DTWD2: variants seen among roughly 807,000 people sequenced by gnomAD.
The protein encoded by DTWD2 is DTW motif tRNA-uridine aminocarboxypropyltransferase 2, also known as tRNA-uridine aminocarboxypropyltransferase 2.
A neutral mutation model predicts 31.8 loss-of-function variants in DTWD2; 39 were observed. That is an observed-to-expected ratio of 1.22 (90% confidence interval 0.95 to 1.60). The LOEUF is 1.60. Among genes scored for constraint, DTWD2 ranks in the 40% most tolerant of loss-of-function variants. DTWD2 has a pLI of 0.00. For missense variants in DTWD2, 515 were observed against 381.5 expected (o/e 1.35, Z -2.92); for synonymous variants, 180 against 142.8 (o/e 1.26, Z -1.86).
chr5:118,877,195 G>A (rs112132720), intron 4 of DTWD2, among the ~76,000 whole-genome samples: 6,321 of 152,278 alleles, frequency 0.042, 410 homozygotes, highest in African/African-American at 0.14. Context: ...TCAAGTGGCC[G>A]GGTACAGTGG....
Position 118,980,412 on chromosome 5 carries a change from T to C in DTWD2, c.218+7882A>G, listed in dbSNP as rs565481605. ...TTGTGCCTTGAGTAATAAAGTCCTTTGTCTTTGGCCCAGGAATTTCATGTC... is the reference window on the plus strand; with the variant it reads ...TTGTGCCTTGAGTAATAAAGTCCTTCGTCTTTGGCCCAGGAATTTCATGTC... On this transcript the variant is annotated intron_variant, in intron 1 of 5. Transcript: ENST00000510708. Among the ~76,000 whole-genome samples, 4 of 152,352 alleles carry C rather than the reference T, an allele frequency of 2.6e-5. No individual in the cohort carries two copies. The South Asian group carries it at 8.3e-4, about 32-fold the overall frequency.
chr5:118,936,616 T>C (rs2149582735), intron 3 of DTWD2, among the ~76,000 whole-genome samples: 1 of 151,810 alleles, frequency 6.6e-6, no homozygotes, highest in East Asian at 1.9e-4. Context: ...ACGAGGCCAG[T>C]CAACATAGCA....
intron 4 of DTWD2, among the ~76,000 whole-genome samples, chr5:118,869,880 G>A (rs1377352010): frequency 6.6e-6 from 1 of 152,158 alleles, no homozygotes; most frequent in African/African-American, 2.4e-5. Context: ...CCTTGTAAGA[G>A]GTGTTGGATC....
chr5:118,937,430 T>C (rs1195561969), intron 3 of DTWD2, among the ~76,000 whole-genome samples: 1 of 151,740 alleles, frequency 6.6e-6, no homozygotes, highest in South Asian at 2.1e-4. Flanking sequence ...ATCTGTTTAA[T>C]ACAGTTGTTG....
intron 4 of DTWD2, among the ~76,000 whole-genome samples, chr5:118,921,073 C>T (rs1026696634): frequency 2.6e-5 from 4 of 152,106 alleles, no homozygotes; most frequent in African/African-American, 9.7e-5. Context: ...CAAAATCATA[C>T]ACCCAATGGA....
At chr5:118,958,063 A>C (rs1042164463) in intron 1 of DTWD2, among the ~76,000 whole-genome samples, 1 of 152,190 alleles carries the variant, frequency 6.6e-6, no homozygotes, top group African/African-American at 2.4e-5. Context: ...CAAAATAATT[A>C]TATCACTGGC....
chr5:118,871,736 G>A (rs540789434), intron 4 of DTWD2, among the ~76,000 whole-genome samples: 3 of 152,272 alleles, frequency 2.0e-5, no homozygotes, highest in African/African-American at 7.2e-5. Flanking sequence ...AGTAGATTTT[G>A]CATGATTTTT....
chr5:118,911,209 T>C (rs1035627246), intron 4 of DTWD2, among the ~76,000 whole-genome samples: 2 of 152,190 alleles, frequency 1.3e-5, no homozygotes, highest in Admixed American at 6.5e-5. Context: ...ACACACTAAC[T>C]GATTGTGCCA....
chr5:118,951,891 C>G (rs1489050992), intron 1 of DTWD2, among the ~76,000 whole-genome samples: 1 of 152,178 alleles, frequency 6.6e-6, no homozygotes, highest in Non-Finnish European at 1.5e-5. Flanking sequence ...AATAATCAGG[C>G]AGGTGTCCCC....
intron 3 of DTWD2, among the ~76,000 whole-genome samples, chr5:118,936,105 T>C (rs183192386): frequency 2.0e-5 from 3 of 152,126 alleles, no homozygotes; most frequent in Admixed American, 6.5e-5. Flanking sequence ...TCCCCAAATA[T>C]CTGGAAATTA....
intron 4 of DTWD2, among the ~76,000 whole-genome samples, chr5:118,889,331 A>G (rs951772267): frequency 6.6e-6 from 1 of 152,218 alleles, no homozygotes; most frequent in African/African-American, 2.4e-5. Flanking sequence ...AAGGAGAAAA[A>G]TAAACTGGAA....
intron 1 of DTWD2, among the ~76,000 whole-genome samples, chr5:118,965,877 G>T (rs1342095736): frequency 6.6e-6 from 1 of 151,284 alleles, no homozygotes; most frequent in Admixed American, 6.6e-5. Flanking sequence ...TCCCTCCACT[G>T]TTGTCCTGTG....
chr5:118,853,058 T>C (rs1313106146), intron 4 of DTWD2, among the ~76,000 whole-genome samples: 2 of 152,080 alleles, frequency 1.3e-5, no homozygotes, highest in African/African-American at 2.4e-5. Context: ...TGGAGACTAC[T>C]AGAGAGAGGA....
At chr5:118,890,561 CCTTTT>C (rs1752956556) in intron 4 of DTWD2, among the ~76,000 whole-genome samples, 1 of 116,254 alleles carries the variant, frequency 8.6e-6, no homozygotes, top group Admixed American at 9.2e-5. Flanking sequence ...TTTAGGTTTT[CCTTTT>C]TTTTTTTTTT....
intron 1 of DTWD2, among the ~76,000 whole-genome samples, chr5:118,958,172 C>T (rs768357483): frequency 3.3e-5 from 5 of 151,924 alleles, no homozygotes; most frequent in Non-Finnish European, 7.4e-5. Flanking sequence ...AGACCACTGG[C>T]GGCCAGGCGC....
intron 4 of DTWD2, among the ~76,000 whole-genome samples, chr5:118,879,918 T>C (rs1752703898): frequency 6.6e-6 from 1 of 152,144 alleles, no homozygotes; most frequent in African/African-American, 2.4e-5. Context: ...ACATTTACCT[T>C]TGTAACAAAC....
At chr5:118,875,674 A>T (rs1448547990) in intron 4 of DTWD2, among the ~76,000 whole-genome samples, 1 of 152,158 alleles carries the variant, frequency 6.6e-6, no homozygotes, top group Non-Finnish European at 1.5e-5. Flanking sequence ...ACTATCCTAA[A>T]TATGTATGTG....
chr5:118,965,486 G>A (rs552701034), intron 1 of DTWD2, among the ~76,000 whole-genome samples: 8 of 152,366 alleles, frequency 5.3e-5, no homozygotes, highest in African/African-American at 1.7e-4. Flanking sequence ...ATACAAAAGG[G>A]GGAAATGTGG....
chr5:118,930,979 T>C (rs1753909738), intron 3 of DTWD2, among the ~76,000 whole-genome samples: 1 of 152,004 alleles, frequency 6.6e-6, no homozygotes, highest in African/African-American at 2.4e-5. Flanking sequence ...TATCTTTGGA[T>C]ATACTAGAAA....
Sources: gnomAD v4.1 joint callset for allele counts (sites outside exome capture counted in the v4.1 genomes callset) on GRCh38, gnomAD v4.1.1 for gene constraint, MANE v1.5 for transcripts, NCBI Gene and HGNC (gene_info 2026-07-23, HGNC 2026-07-21) for gene names.